Variants in NBEA observed in about 807,000 individuals in gnomAD.
The protein encoded by NBEA is lysosomal-trafficking regulator 2.
NBEA carries 44 observed loss-of-function variants against 343.4 expected under a neutral mutation model. The observed-to-expected ratio is 0.13, with a 90% CI of 0.10 to 0.16. The LOEUF is 0.16. Among genes scored for constraint, NBEA ranks in the 10% least tolerant of loss-of-function variants. The pLI is 1.00. For missense variants in NBEA, 2,555 were observed against 3,631.3 expected (o/e 0.70, Z 7.62); for synonymous variants, 1,175 against 1,238.7 (o/e 0.95, Z 1.08).
intron 1 of NBEA, among the ~76,000 whole-genome samples, chr13:34,943,521 C>T (rs147587094): frequency 1.2e-3 from 182 of 152,250 alleles, no homozygotes; most frequent in African/African-American, 4.3e-3. Flanking sequence ...GACAGCCTTG[C>T]CCCTGGAGCC....
intron 49 of NBEA, among the ~76,000 whole-genome samples, chr13:35,642,348 A>G (rs967636596): frequency 9.9e-5 from 15 of 152,208 alleles, no homozygotes; most frequent in African/African-American, 3.6e-4. Flanking sequence ...TTAATAGTAT[A>G]TAAAATAATG....
At chr13:35,296,512 T>C (rs1319199501) in intron 35 of NBEA, among the ~76,000 whole-genome samples, 1 of 151,400 alleles carries the variant, frequency 6.6e-6, no homozygotes, top group Non-Finnish European at 1.5e-5. Context: ...TTTTTAAGAG[T>C]GTTTAATGTC....
intron 11 of NBEA, among the ~76,000 whole-genome samples, chr13:35,101,073 GTA>G (rs368163266): frequency 0.046 from 6,940 of 151,956 alleles, 236 homozygotes; most frequent in Non-Finnish European, 0.067. Flanking sequence ...TCCATTAGAT[GTA>G]TATACATTTT....
At chr13:35,375,155 C>T (rs1425007853) in intron 38 of NBEA, among the ~76,000 whole-genome samples, 4 of 152,132 alleles carry the variant, frequency 2.6e-5, no homozygotes, top group Admixed American at 2.6e-4. Flanking sequence ...TGCTTTCCTT[C>T]CTTTCAAAGC....
chr13:35,307,055 T>G (rs185914135), intron 35 of NBEA, among the ~76,000 whole-genome samples: 33 of 152,222 alleles, frequency 2.2e-4, no homozygotes, highest in Admixed American at 1.1e-3. Flanking sequence ...AATGTATTCT[T>G]CAGTATTTTC....
At chr13:35,200,777 G>C (rs911585983) in intron 31 of NBEA, among the ~76,000 whole-genome samples, 6 of 151,848 alleles carry the variant, frequency 4.0e-5, no homozygotes, top group Admixed American at 2.6e-4. Flanking sequence ...AAGCAACTTA[G>C]ATAGACTTCA....
chr13:35,136,403 G>A (rs1035908323), intron 17 of NBEA, among the ~76,000 whole-genome samples: 2 of 152,118 alleles, frequency 1.3e-5, no homozygotes, highest in African/African-American at 4.8e-5. Context: ...CCAAGTTTTT[G>A]TATTAACTTA....
chr13:35,459,658 C>G (rs1367784080), intron 40 of NBEA, among the ~76,000 whole-genome samples: 1 of 152,102 alleles, frequency 6.6e-6, no homozygotes, highest in Non-Finnish European at 1.5e-5. Context: ...CTTCAAATAT[C>G]CAGATACCAC....
intron 30 of NBEA, among the ~76,000 whole-genome samples, chr13:35,192,254 G>A (rs1172720149): frequency 6.6e-6 from 1 of 152,002 alleles, no homozygotes; most frequent in Non-Finnish European, 1.5e-5. Flanking sequence ...GTGTCACAAA[G>A]AGGTATTCTG....
At chr13:35,556,761 A>G (rs564369544) in intron 44 of NBEA, among the ~76,000 whole-genome samples, 3 of 152,302 alleles carry the variant, frequency 2.0e-5, no homozygotes, top group African/African-American at 7.2e-5. Flanking sequence ...ATATTCGCAA[A>G]TATAAATTAC....
rs188637123 is a variant in NBEA at position 35,260,347 on chromosome 13, A to G, written c.5776+27728A>G. On this transcript the variant is annotated intron_variant, in intron 34 of 58. Coordinates refer to ENST00000379939, the MANE Select transcript of NBEA (RefSeq NM_001385012.1). ...TGATGGCATAACAAGAAGTAGCCTT[A>G]TTAATAATTTCCAATTATAATCACT... 4.6e-3 allele frequency among the ~76,000 whole-genome samples: 707 copies of G among 152,390 alleles called. 6 individuals are homozygous for G. The highest frequency in any genetic ancestry group is 0.02 in the Middle Eastern group (6 of 294).
chr13:35,300,912 ACC>A (rs1197246448), intron 35 of NBEA, among the ~76,000 whole-genome samples: 1 of 152,092 alleles, frequency 6.6e-6, no homozygotes, highest in East Asian at 1.9e-4. Flanking sequence ...ACTGTTGTCT[ACC>A]TAGGATGTAA....
intron 17 of NBEA, among the ~76,000 whole-genome samples, chr13:35,130,708 G>A (rs1194361046): frequency 6.6e-6 from 1 of 151,022 alleles, no homozygotes; most frequent in Non-Finnish European, 1.5e-5. Context: ...TGTCATACAC[G>A]TTCTTTTCAA....
At chr13:35,648,989 G>A (rs1473759501) in intron 51 of NBEA, among the ~76,000 whole-genome samples, 1 of 151,958 alleles carries the variant, frequency 6.6e-6, no homozygotes, top group Non-Finnish European at 1.5e-5. Flanking sequence ...AACAACCTGC[G>A]TGTCCTGCAC....
intron 1 of NBEA, among the ~76,000 whole-genome samples, chr13:35,022,635 T>A (rs1002789385): frequency 6.6e-6 from 1 of 152,168 alleles, no homozygotes; most frequent in Admixed American, 6.5e-5. Flanking sequence ...GTTAAATGCT[T>A]GGTGGAGATA....
At chr13:35,307,349 A>G (rs1010921481) in intron 35 of NBEA, among the ~76,000 whole-genome samples, 2 of 152,038 alleles carry the variant, frequency 1.3e-5, no homozygotes, top group Non-Finnish European at 2.9e-5. Flanking sequence ...TCTTGTGATC[A>G]TATACTTTCA....
At chr13:34,973,881 A>G (rs530678514) in intron 1 of NBEA, among the ~76,000 whole-genome samples, 12 of 152,050 alleles carry the variant, frequency 7.9e-5, no homozygotes, top group Non-Finnish European at 1.5e-4. Context: ...AGTTGCAGTC[A>G]CTTTTGCCAG....
chr13:35,227,983 G>A (rs1452507196), intron 33 of NBEA, among the ~76,000 whole-genome samples: 1 of 149,942 alleles, frequency 6.7e-6, no homozygotes. Context: ...TTACTGATTT[G>A]TGTACTTAAA....
intron 10 of NBEA, among the ~76,000 whole-genome samples, chr13:35,095,814 C>G (rs1330566367): frequency 2.0e-5 from 3 of 151,898 alleles, no homozygotes; most frequent in African/African-American, 7.2e-5. Flanking sequence ...TATTGCTATA[C>G]TTTTCAAGAG....
Sources: allele counts gnomAD v4.1 joint callset (sites outside exome capture counted in the v4.1 genomes callset), GRCh38; gene constraint gnomAD v4.1.1; transcripts MANE v1.5; gene names NCBI Gene and HGNC (gene_info 2026-07-23, HGNC 2026-07-21).